Variants in NARS2 observed in about 807,000 individuals in gnomAD.
NARS2 encodes the protein asparaginyl-tRNA synthetase.
NARS2 carries 60 observed loss-of-function variants against 62.9 expected under a neutral mutation model. The ratio of observed to expected loss-of-function variants is 0.95; its 90% confidence interval spans 0.77 to 1.18. The LOEUF (loss-of-function observed/expected upper bound fraction) is 1.18. Among genes scored for constraint, NARS2 ranks in the 50% most tolerant of loss-of-function variants. The probability of loss-of-function intolerance (pLI) is 0.00; values close to 1 mark genes in which losing one functional copy is unlikely to be tolerated. For missense variants in NARS2, 619 were observed against 576.4 expected (o/e 1.07, Z -0.76); for synonymous variants, 196 against 200.0 (o/e 0.98, Z 0.17).
At chr11:78,550,435 T>C (rs896011302) in intron 5 of NARS2, among the ~76,000 whole-genome samples, 3 of 152,230 alleles carry the variant, frequency 2.0e-5, no homozygotes, top group African/African-American at 7.2e-5. Context: ...GAATACATTC[T>C]ATTTTACAGA....
At position 78,443,564 on chromosome 11, in the gene NARS2, G is replaced by A. The variant is rs7952008; in HGVS notation, c.1262+97C>T. 7.6e-3 allele frequency: 5,352 copies of A among 703,548 alleles called. 149 individuals carry two copies. Among genetic ancestry groups the A allele is most frequent in the African/African-American group, 0.059 (3,300 of 56,386 alleles). 43.6% of individuals were successfully genotyped at this position (703,548 alleles called of 1,614,324 possible). A position where few individuals can be genotyped will look rare whatever the true frequency, so the allele number is the denominator to read the frequency against. Reference sequence around the variant, plus strand: ...CTGAGATCCAGTTCTGTCAGGCGCCGAGGCCCAGGGTCTTCACTCTGTTAC... The same window carrying A: ...CTGAGATCCAGTTCTGTCAGGCGCCAAGGCCCAGGGTCTTCACTCTGTTAC... On this transcript the variant is annotated intron_variant, in intron 12 of 13. Transcript: ENST00000281038.
At chr11:78,459,738 T>C (rs1204845400) in intron 11 of NARS2, among the ~76,000 whole-genome samples, 3 of 152,244 alleles carry the variant, frequency 2.0e-5, no homozygotes, top group African/African-American at 7.2e-5. Context: ...TGGGTATGTC[T>C]TTATCAGCAG....
At chr11:78,446,949 T>G (rs536798977) in intron 11 of NARS2, among the ~76,000 whole-genome samples, 3 of 151,522 alleles carry the variant, frequency 2.0e-5, no homozygotes, top group South Asian at 4.2e-4. Context: ...ATACATCTTA[T>G]AAGGGGTTAA....
intron 6 of NARS2, among the ~76,000 whole-genome samples, chr11:78,518,502 A>T (rs1230755842): frequency 6.6e-6 from 1 of 152,174 alleles, no homozygotes; most frequent in Non-Finnish European, 1.5e-5. Context: ...AAAATGGCTA[A>T]ATGTTAAAAA....
At chr11:78,447,630 T>C (rs371020016) in intron 11 of NARS2, among the ~76,000 whole-genome samples, 5 of 151,782 alleles carry the variant, frequency 3.3e-5, no homozygotes, top group African/African-American at 1.2e-4. Flanking sequence ...TGGACAAATA[T>C]TGTGTATATA....
chr11:78,563,311 G>A (rs1337166056), intron 4 of NARS2, among the ~76,000 whole-genome samples: 3 of 143,768 alleles, frequency 2.1e-5, no homozygotes, highest in East Asian at 2.1e-4. Context: ...TCCGCCTCCC[G>A]GATTCAAGTG....
chr11:78,537,215 G>A (rs995162125), intron 5 of NARS2, among the ~76,000 whole-genome samples: 1 of 151,832 alleles, frequency 6.6e-6, no homozygotes, highest in Non-Finnish European at 1.5e-5. Context: ...TGCAGAGAGA[G>A]TGTGTGTGTG....
chr11:78,470,959 G>A (rs1304254709), intron 9 of NARS2, among the ~76,000 whole-genome samples: 3 of 143,062 alleles, frequency 2.1e-5, no homozygotes, highest in African/African-American at 7.9e-5. Context: ...AATTTATCCA[G>A]CACAAACTTG....
intron 11 of NARS2, among the ~76,000 whole-genome samples, chr11:78,446,433 G>A (rs1325383271): frequency 1.3e-5 from 2 of 152,198 alleles, no homozygotes; most frequent in East Asian, 1.9e-4. Flanking sequence ...GAGCAAGGAG[G>A]AAGTCTGGTA....
intron 9 of NARS2, among the ~76,000 whole-genome samples, chr11:78,475,156 A>C (rs115128254): frequency 0.011 from 1,649 of 152,280 alleles, 36 homozygotes; most frequent in African/African-American, 0.039. Flanking sequence ...TTTCACATCA[A>C]AGTGAATCAT....
chr11:78,483,384 G>A (rs55724808), intron 7 of NARS2, among the ~76,000 whole-genome samples: 1,809 of 152,206 alleles, frequency 0.012, 24 homozygotes, highest in African/African-American at 0.041. Context: ...GGAAGTTCTC[G>A]CCAGGGCAAT....
At chr11:78,452,097 A>T (rs764121406) in intron 11 of NARS2, among the ~76,000 whole-genome samples, 2 of 151,846 alleles carry the variant, frequency 1.3e-5, no homozygotes, top group Admixed American at 6.6e-5. Flanking sequence ...TTCTTTTTTT[A>T]AATTTTTCAA....
chr11:78,542,528 G>A (rs1386967722), intron 5 of NARS2, among the ~76,000 whole-genome samples: 6 of 152,156 alleles, frequency 3.9e-5, no homozygotes, highest in African/African-American at 9.7e-5. Context: ...GTCCTAGTCC[G>A]TTAACTAGGA....
At chr11:78,504,343 T>G (rs1475697948) in intron 6 of NARS2, among the ~76,000 whole-genome samples, 1 of 152,114 alleles carries the variant, frequency 6.6e-6, no homozygotes, top group Non-Finnish European at 1.5e-5. Context: ...TAAGGCTGGC[T>G]TGGGTTTTGC....
In NARS2 at chr11:78,466,005, A is replaced by C. The variant is rs749120601; in HGVS notation, c.1035T>G (p.Ala345=). Residue 345 remains alanine (A), a synonymous_variant, in exon 11 of 14, where the codon GCT becomes GCG. Transcript: ENST00000281038. Reference sequence around the variant, plus strand: ...ACTTTTCATGTTCAGTCCGTAGGTCAGCACCCCACTGTAATGAGAAGAAAG... The same window carrying C: ...ACTTTTCATGTTCAGTCCGTAGGTCCGCACCCCACTGTAATGAGAAGAAAG... ...QNFTFTPEWG[A]DLRTEHEKYL... The C allele has an allele frequency of 6.2e-7, 1 of 1,603,912 alleles. No homozygotes were observed. Among genetic ancestry groups the C allele is most frequent in the Non-Finnish European group, 8.5e-7 (1 of 1,176,204 alleles).
At chr11:78,499,795 C>A (rs922114749) in intron 6 of NARS2, among the ~76,000 whole-genome samples, 1 of 152,224 alleles carries the variant, frequency 6.6e-6, no homozygotes, top group Admixed American at 6.5e-5. Context: ...CTCTTCAGGA[C>A]TGACTGGATA....
chr11:78,502,185 C>T lies in NARS2; in HGVS notation c.690-8990G>A, dbSNP rs558762991. On this transcript the variant is annotated intron_variant, in intron 6 of 13. Transcript: ENST00000281038. ...TTGGGTGGGGAGGAAATGGAGAGTA[C>T]ACTATTTTACATGAGTTGTTATAAC... Among the ~76,000 whole-genome samples the T allele has an allele frequency of 2.6e-5, 4 of 152,242 alleles. No individual in the cohort carries two copies. The East Asian group carries it at 7.7e-4, about 29-fold the overall frequency.
intron 7 of NARS2, among the ~76,000 whole-genome samples, chr11:78,492,515 T>C (rs1181310943): frequency 6.6e-6 from 1 of 152,228 alleles, no homozygotes; most frequent in Non-Finnish European, 1.5e-5. Context: ...TACAAGGTCT[T>C]TCATGATCTG....
intron 9 of NARS2, among the ~76,000 whole-genome samples, chr11:78,475,668 C>T (rs571315427): frequency 7.0e-6 from 1 of 142,502 alleles, no homozygotes; most frequent in South Asian, 2.3e-4. Context: ...GTGATCATAG[C>T]TCACTGAAAA....
Sources: allele counts gnomAD v4.1 joint callset (sites outside exome capture counted in the v4.1 genomes callset), GRCh38; gene constraint gnomAD v4.1.1; transcripts MANE v1.5; gene names NCBI Gene and HGNC (gene_info 2026-07-23, HGNC 2026-07-21).